SSBP3: variants seen among roughly 807,000 people sequenced by gnomAD.
The protein encoded by SSBP3 is single stranded DNA binding protein 3.
A neutral mutation model predicts 69.6 loss-of-function variants in SSBP3; 5 were observed. The ratio of observed to expected loss-of-function variants is 0.07; its 90% CI spans 0.04 to 0.15. The LOEUF (loss-of-function observed/expected upper bound fraction) is 0.15, where lower values mean the gene tolerates loss of function less well. Ranked by LOEUF, SSBP3 falls within the 10% of genes least tolerant of loss-of-function variation. SSBP3 has a pLI of 1.00. For missense variants in SSBP3, 312 were observed against 534.0 expected (o/e 0.58, Z 4.10); for synonymous variants, 196 against 193.4 (o/e 1.01, Z -0.11).
intron 14 of SSBP3, among the ~76,000 whole-genome samples, chr1:54,234,925 C>T (rs1644460313): frequency 6.6e-6 from 1 of 152,154 alleles, no homozygotes; most frequent in Non-Finnish European, 1.5e-5. Flanking sequence ...CTGTACCCAG[C>T]TTAGAACACC....
chr1:54,284,103 CTTTTT>C (rs5774181), intron 4 of SSBP3, among the ~76,000 whole-genome samples: 38 of 87,568 alleles, frequency 4.3e-4, no homozygotes, highest in South Asian at 4.5e-4. Context: ...TATTTAACCA[CTTTTT>C]TTTTTTTTTT....
intron 4 of SSBP3, among the ~76,000 whole-genome samples, chr1:54,394,248 C>T (rs1456275764): frequency 3.3e-5 from 5 of 152,198 alleles, no homozygotes; most frequent in South Asian, 4.1e-4. Context: ...TTTCCCTCTG[C>T]GCATGTTTCT....
intron 4 of SSBP3, among the ~76,000 whole-genome samples, chr1:54,303,754 G>A (rs1645845975): frequency 6.6e-6 from 1 of 152,154 alleles, no homozygotes; most frequent in African/African-American, 2.4e-5. Flanking sequence ...ATACGTACCA[G>A]ACTGCAAAGG....
At chr1:54,246,177 C>A (rs1212436303) in intron 9 of SSBP3, among the ~76,000 whole-genome samples, 1 of 152,178 alleles carries the variant, frequency 6.6e-6, no homozygotes, top group Non-Finnish European at 1.5e-5. Context: ...GCCCCGTAAG[C>A]CCTAGGAGGT....
At chr1:54,251,948 CGT>C in intron 7 of SSBP3, 88 bp from the exon 8 acceptor site, 2 of 1,104,254 alleles carry the variant, frequency 1.8e-6, no homozygotes, top group Non-Finnish European at 2.7e-6. Context: ...CCCAGTGCCC[CGT>C]GTGATCACGT....
intron 9 of SSBP3, among the ~76,000 whole-genome samples, chr1:54,250,458 G>A (rs1001474699): frequency 1.3e-5 from 2 of 151,934 alleles, no homozygotes; most frequent in African/African-American, 4.8e-5. Flanking sequence ...GTTCTGTGGG[G>A]CGGATTCTGG....
In SSBP3 at chr1:54,258,864, G is replaced by A. The variant is rs1162233491; in HGVS notation, c.367-715C>T. ...GCACTTCAAAGCAGCCCTGTGAGGC[G>A]GGGTTTCTCATTCCAATTTTTACTG... is the stretch of plus-strand genomic sequence containing the variant. On this transcript the variant is annotated intron_variant, in intron 5 of 17. Transcript: ENST00000610401. The surrounding 1 kb of genome is among the most constrained non-coding windows in gnomAD (Gnocchi z 4.5). Among the ~76,000 whole-genome samples, 4 of 152,200 alleles carry A rather than the reference G, an allele frequency of 2.6e-5. No individual in the cohort carries two copies. Among genetic ancestry groups the A allele is most frequent in the South Asian group, 2.1e-4 (1 of 4,826 alleles).
At chr1:54,312,388 G>A (rs1190074718) in intron 4 of SSBP3, among the ~76,000 whole-genome samples, 1 of 151,810 alleles carries the variant, frequency 6.6e-6, no homozygotes, top group African/African-American at 2.4e-5. Flanking sequence ...TCAGGAGTTC[G>A]AGACCAGCCT....
At chr1:54,381,421 T>C (rs552743817) in intron 4 of SSBP3, among the ~76,000 whole-genome samples, 12 of 146,482 alleles carry the variant, frequency 8.2e-5, no homozygotes, top group Admixed American at 2.1e-4. Flanking sequence ...AGAGAGAGCA[T>C]GTCAGTAGAG....
At position 54,283,276 on chromosome 1, in the gene SSBP3, A is replaced by T. The variant is rs998664770; in HGVS notation, c.277-1749T>A. ...AAAGCAAAACTCCCCATCTCATAAAAAAAAAAAAAAAAAAAGGAACCAGAA... is the reference window on the plus strand; with the variant it reads ...AAAGCAAAACTCCCCATCTCATAAATAAAAAAAAAAAAAAAGGAACCAGAA... On this transcript the variant is annotated intron_variant, in intron 4 of 17. Coordinates refer to ENST00000610401, the Ensembl canonical transcript of SSBP3. Among the ~76,000 whole-genome samples, 9 of 15,178 alleles carry T rather than the reference A, an allele frequency of 5.9e-4. No homozygotes were observed. The African/African-American group carries it at 6.4e-3, about 11-fold the overall frequency. The allele number at this position is 15,178 out of a possible 152,430, so 10.0% of individuals were successfully genotyped here.
intron 4 of SSBP3, among the ~76,000 whole-genome samples, chr1:54,396,544 G>A (rs1198942845): frequency 2.0e-5 from 3 of 151,994 alleles, no homozygotes; most frequent in Non-Finnish European, 2.9e-5. Context: ...CATGGGAAGG[G>A]GGCCAGGCAC....
intron 4 of SSBP3, among the ~76,000 whole-genome samples, chr1:54,324,308 C>G (rs948329093): frequency 1.3e-5 from 2 of 152,186 alleles, no homozygotes; most frequent in African/African-American, 4.8e-5. Flanking sequence ...AAAAGTCAGG[C>G]AAGGGGTTGG....
intron 5 of SSBP3, among the ~76,000 whole-genome samples, chr1:54,259,824 CGAG>C (rs1557470717): frequency 6.6e-6 from 1 of 152,208 alleles, no homozygotes; most frequent in Non-Finnish European, 1.5e-5. Flanking sequence ...CGGAAAGCTC[CGAG>C]GAGCAGATGT....
intron 14 of SSBP3, among the ~76,000 whole-genome samples, chr1:54,235,956 T>C (rs2100600564): frequency 6.6e-6 from 1 of 152,312 alleles, no homozygotes; most frequent in East Asian, 1.9e-4. Context: ...TCTCAAGCAT[T>C]AAATGGGTCA....
intron 14 of SSBP3, 192 bp downstream of exon 14, chr1:54,238,937 T>C: frequency 2.7e-5 from 10 of 365,962 alleles, no homozygotes; most frequent in Admixed American, 7.7e-5. Context: ...CACCCCTTCC[T>C]CTCCCACCCC....
At chr1:54,364,003 AAAG>A (rs142581806) in intron 4 of SSBP3, among the ~76,000 whole-genome samples, 5,188 of 152,306 alleles carry the variant, frequency 0.034, 164 homozygotes, top group African/African-American at 0.081. Flanking sequence ...TCCCTAATTC[AAAG>A]AAGAACTTCT....
At chr1:54,269,407 T>G (rs1055656647) in intron 5 of SSBP3, among the ~76,000 whole-genome samples, 1 of 152,150 alleles carries the variant, frequency 6.6e-6, no homozygotes, top group Non-Finnish European at 1.5e-5. Context: ...TCTCTAACAC[T>G]GCTGCATTTA....
chr1:54,294,149 AAAAAAAAAAAAAAGAAAGAAAG>A (rs1466032640), intron 4 of SSBP3, among the ~76,000 whole-genome samples: 5 of 111,686 alleles, frequency 4.5e-5, no homozygotes, highest in Admixed American at 9.0e-5. Flanking sequence ...TCTCAAAAAA[AAAAAAAAAAAAAAGAAAGAAAG>A]AAAGAAAGAA....
chr1:54,226,031 CGAT>C (rs765604727), exon 18 of SSBP3: 1 of 152,284 alleles, frequency 6.6e-6, no homozygotes, highest in East Asian at 1.9e-4. Flanking sequence ...CCGGTGCACA[CGAT>C]GACGCTGATG....
Sources: gnomAD v4.1 joint callset for allele counts (sites outside exome capture counted in the v4.1 genomes callset) on GRCh38, gnomAD v4.1.1 for gene constraint, Gnocchi (gnomAD v3.1) non-coding constraint, MANE v1.5 for transcripts, NCBI Gene and HGNC (gene_info 2026-07-23, HGNC 2026-07-21) for gene names.